Variants in SLC68A1 observed in about 807,000 individuals in gnomAD.
SLC68A1 encodes major facilitator superfamily domain containing 13A.
the SLC68A1 span, among the ~76,000 whole-genome samples, chr10:102,462,367 T>G: frequency 6.6e-6 from 1 of 152,234 alleles, no homozygotes; most frequent in Non-Finnish European, 1.5e-5. Context: ...TAGACTCAGA[T>G]AGTAAGTTAA....
chr10:102,469,214 G>A, the SLC68A1 span: 1 of 1,613,650 alleles, frequency 6.2e-7, no homozygotes, highest in Non-Finnish European at 8.5e-7. Flanking sequence ...CCAGTGCTGG[G>A]TGGCTAACAT....
chr10:102,473,861 G>T, the SLC68A1 span: 1 of 1,613,908 alleles, frequency 6.2e-7, no homozygotes, highest in Non-Finnish European at 8.5e-7. Flanking sequence ...TGCTGACCTT[G>T]GTGGTCACTG....
chr10:102,469,075 G>A, the SLC68A1 span: 1 of 1,613,984 alleles, frequency 6.2e-7, no homozygotes, highest in African/African-American at 1.3e-5. Flanking sequence ...TCTGCCCACA[G>A]CTGTGGTCTA....
chr10:102,471,143 G>T, the SLC68A1 span: 1 of 1,606,132 alleles, frequency 6.2e-7, no homozygotes, highest in South Asian at 1.1e-5. Context: ...CGGCTCTTCA[G>T]GTCCTCACCA....
chr10:102,461,584 T>A, the SLC68A1 span: 3 of 148,260 alleles, frequency 2.0e-5, no homozygotes, highest in African/African-American at 7.5e-5. Context: ...TCTGCGGGGG[T>A]CTTTGGGGTG....
At chr10:102,468,707 C>A in the SLC68A1 span, 48 of 243,686 alleles carry the variant, frequency 2.0e-4, no homozygotes, top group Middle Eastern at 3.0e-3. Context: ...CCCTGGCACG[C>A]GACCTGGCTC....
At chr10:102,463,891 A>G in the SLC68A1 span, among the ~76,000 whole-genome samples, 31 of 152,280 alleles carry the variant, frequency 2.0e-4, no homozygotes, top group East Asian at 5.4e-3. Flanking sequence ...AGCATGAACA[A>G]AAGTGTGGAG....
the SLC68A1 span, chr10:102,468,343 T>A: frequency 1.3e-5 from 2 of 152,216 alleles, no homozygotes; most frequent in African/African-American, 2.4e-5. Flanking sequence ...GTAAGTGCAT[T>A]GTGTGCCCAA....
At chr10:102,464,410 C>T in the SLC68A1 span, among the ~76,000 whole-genome samples, 1 of 151,550 alleles carries the variant, frequency 6.6e-6, no homozygotes, top group East Asian at 1.9e-4. Flanking sequence ...AAGATCCCAC[C>T]ACTGCACTCT....
the SLC68A1 span, chr10:102,469,762 G>C: frequency 1.3e-6 from 1 of 783,916 alleles, no homozygotes; most frequent in Non-Finnish European, 1.5e-6. Context: ...GGCCAGGCTG[G>C]TCTCAAACTC....
chr10:102,475,445 T>TG, the SLC68A1 span, among the ~76,000 whole-genome samples: 2 of 151,812 alleles, frequency 1.3e-5, no homozygotes, highest in African/African-American at 4.8e-5. Flanking sequence ...GTTTTGGAGT[T>TG]GGGGGGAGAT....
chr10:102,461,562 T>G, the SLC68A1 span: 1 of 149,310 alleles, frequency 6.7e-6, no homozygotes. Context: ...GCTCTGGGAG[T>G]CATGGGGGCT....
At chr10:102,475,717 C>A in the SLC68A1 span, 1 of 1,587,468 alleles carries the variant, frequency 6.3e-7, no homozygotes, top group Non-Finnish European at 8.6e-7. Flanking sequence ...GCTCTCTTGT[C>A]CTAGGTCATG....
At chr10:102,469,238 G>T in the SLC68A1 span, 7 of 1,607,296 alleles carry the variant, frequency 4.4e-6, no homozygotes, top group African/African-American at 8.0e-5. Context: ...GGAGGGGGTG[G>T]GGTGGAGACT....
chr10:102,474,109 G>A, the SLC68A1 span: 19 of 1,331,736 alleles, frequency 1.4e-5, no homozygotes, highest in Admixed American at 8.2e-5. Flanking sequence ...GTCCAGTGAC[G>A]GAAGGTGGCA....
At chr10:102,471,364 T>C in the SLC68A1 span, 1 of 1,613,452 alleles carries the variant, frequency 6.2e-7, no homozygotes, top group Non-Finnish European at 8.5e-7. Context: ...CCATCGGAAC[T>C]TCCTGTGGTT....
At chr10:102,470,010 G>C in the SLC68A1 span, 1 of 1,613,888 alleles carries the variant, frequency 6.2e-7, no homozygotes, top group African/African-American at 1.3e-5. Context: ...TTCTCCTCTG[G>C]AACAGCCTCA....
At chr10:102,471,955 A>G in the SLC68A1 span, 2 of 451,502 alleles carry the variant, frequency 4.4e-6, no homozygotes, top group South Asian at 3.1e-5. Context: ...TAAAGTGAGG[A>G]TATGAGACAG....
the SLC68A1 span, chr10:102,476,405 A>C: frequency 1.8e-6 from 1 of 560,820 alleles, no homozygotes; most frequent in Non-Finnish European, 2.3e-6. Flanking sequence ...GGGTTTCACC[A>C]CATTGGCCAG....
Sources: allele counts gnomAD v4.1 joint callset (sites outside exome capture counted in the v4.1 genomes callset), GRCh38; gene constraint gnomAD v4.1.1; transcripts MANE v1.5; gene names NCBI Gene and HGNC (gene_info 2026-07-23, HGNC 2026-07-21).